CADM2: variants seen among roughly 807,000 people sequenced by gnomAD.
CADM2 encodes cell adhesion molecule 2.
CADM2 carries 12 observed loss-of-function variants against 49.8 expected under a neutral mutation model. That is an observed-to-expected ratio of 0.24 (90% CI 0.15 to 0.39). CADM2 has a LOEUF of 0.39. Ranked by LOEUF, CADM2 falls within the 10% of genes least tolerant of loss-of-function variation. The pLI, the probability that CADM2 is intolerant of heterozygous loss-of-function variation, is 1.00. For synonymous variants in CADM2, 214 were observed against 175.4 expected, an observed-to-expected ratio of 1.22 and a Z score of -1.74; for missense variants, 378 against 492.3, an observed-to-expected ratio of 0.77 and a Z score of 2.20.
chr3:85,965,064 G>T (rs952861484), intron 8 of CADM2, among the ~76,000 whole-genome samples: 11 of 151,292 alleles, frequency 7.3e-5, no homozygotes, highest in Non-Finnish European at 1.5e-5. Context: ...GTACAAAGGA[G>T]CAAAGATAAA....
At chr3:85,515,975 CTT>C (rs1459144982) in intron 1 of CADM2, among the ~76,000 whole-genome samples, 1 of 151,996 alleles carries the variant, frequency 6.6e-6, no homozygotes, top group Non-Finnish European at 1.5e-5. Context: ...ACTACACAAA[CTT>C]GTCATCCTCA....
chr3:85,361,993 G>T (rs1424119526), intron 1 of CADM2, among the ~76,000 whole-genome samples: 6 of 152,184 alleles, frequency 3.9e-5, no homozygotes, highest in African/African-American at 1.4e-4. Context: ...ATTTGCAAAA[G>T]GACCTTTGGT....
intron 1 of CADM2, among the ~76,000 whole-genome samples, chr3:85,531,777 T>C (rs958254254): frequency 3.3e-5 from 5 of 152,204 alleles, no homozygotes; most frequent in African/African-American, 1.2e-4. Flanking sequence ...AAAAAGTATA[T>C]GAAATCAAAC....
At chr3:85,295,046 C>G (rs558714135) in intron 1 of CADM2, among the ~76,000 whole-genome samples, 3 of 152,060 alleles carry the variant, frequency 2.0e-5, no homozygotes, top group Non-Finnish European at 4.4e-5. Flanking sequence ...ACTCATCTGA[C>G]AAAGGGCTGA....
chr3:85,472,671 G>A (rs555288571), intron 1 of CADM2, among the ~76,000 whole-genome samples: 1 of 151,910 alleles, frequency 6.6e-6, no homozygotes, highest in Admixed American at 6.6e-5. Flanking sequence ...TCTATAATGG[G>A]AGAGATGAAT....
At chr3:85,921,594 A>G (rs76907925) in intron 6 of CADM2, among the ~76,000 whole-genome samples, 6,753 of 152,114 alleles carry the variant, frequency 0.044, 504 homozygotes, top group African/African-American at 0.15. Context: ...AGTTTCCCCT[A>G]TTATTAATAT....
chr3:85,109,154 A>G (rs1216305752), intron 1 of CADM2, among the ~76,000 whole-genome samples: 1 of 151,984 alleles, frequency 6.6e-6, no homozygotes, highest in Admixed American at 6.6e-5. Context: ...ATAGTTACTT[A>G]AAAAAACTTT....
intron 1 of CADM2, among the ~76,000 whole-genome samples, chr3:84,980,808 G>C (rs1468181174): frequency 6.6e-6 from 1 of 152,020 alleles, no homozygotes; most frequent in African/African-American, 2.4e-5. Flanking sequence ...AGTTAACATG[G>C]TAAAATGGCT....
At chr3:85,146,416 C>G (rs1409290207) in intron 1 of CADM2, among the ~76,000 whole-genome samples, 1 of 151,878 alleles carries the variant, frequency 6.6e-6, no homozygotes, top group Non-Finnish European at 1.5e-5. Flanking sequence ...CAAATGAAAG[C>G]AGGTAGAAGC....
intron 1 of CADM2, among the ~76,000 whole-genome samples, chr3:85,691,573 C>T (rs748712627): frequency 8.5e-5 from 13 of 152,122 alleles, no homozygotes; most frequent in Non-Finnish European, 1.6e-4. Flanking sequence ...GTGGCCATTC[C>T]TCAGGGATCT....
At chr3:85,685,732 T>G (rs1238070132) in intron 1 of CADM2, among the ~76,000 whole-genome samples, 1 of 150,602 alleles carries the variant, frequency 6.6e-6, no homozygotes, top group Non-Finnish European at 1.5e-5. Context: ...CAAGCAATTC[T>G]CCTTCCTCAG....
chr3:85,050,060 G>A (rs1210186255), intron 1 of CADM2, among the ~76,000 whole-genome samples: 1 of 151,620 alleles, frequency 6.6e-6, no homozygotes, highest in Non-Finnish European at 1.5e-5. Context: ...TAATCTTTAT[G>A]GGGACCCTGA....
At chr3:85,517,899 T>A (rs2060941578) in intron 1 of CADM2, among the ~76,000 whole-genome samples, 1 of 152,178 alleles carries the variant, frequency 6.6e-6, no homozygotes, top group Admixed American at 6.6e-5. Context: ...GCTCTAAGTG[T>A]ATGGCGAATA....
chr3:85,419,208 C>A (rs532311234), intron 1 of CADM2, among the ~76,000 whole-genome samples: 1 of 152,282 alleles, frequency 6.6e-6, no homozygotes, highest in South Asian at 2.1e-4. Context: ...GTAATCCCAG[C>A]ACTTTGGGAG....
intron 1 of CADM2, among the ~76,000 whole-genome samples, chr3:85,019,617 A>G (rs1457079461): frequency 6.6e-6 from 1 of 152,226 alleles, no homozygotes; most frequent in Non-Finnish European, 1.5e-5. Context: ...TCATGAATAT[A>G]TGCTTACAAT....
At chr3:85,186,075 T>C (rs2041054232) in intron 1 of CADM2, among the ~76,000 whole-genome samples, 1 of 152,242 alleles carries the variant, frequency 6.6e-6, no homozygotes, top group Non-Finnish European at 1.5e-5. Flanking sequence ...TTGAATACTG[T>C]TCAGGAGACT....
chr3:85,638,309 C>T (rs1482375309), intron 1 of CADM2, among the ~76,000 whole-genome samples: 1 of 152,076 alleles, frequency 6.6e-6, no homozygotes, highest in East Asian at 1.9e-4. Flanking sequence ...TTGTTTAATT[C>T]TGGACATTTT....
In CADM2 at chr3:86,068,233, A is replaced by T. The variant is rs1739535955; in HGVS notation, c.*1450A>T. ...GTCTCTTTCTCTGGATTATTTTAAAATTTTGGCGTGTTTAACCATTAAGAA... is the reference window on the plus strand; with the variant it reads ...GTCTCTTTCTCTGGATTATTTTAAATTTTTGGCGTGTTTAACCATTAAGAA... On this transcript the variant is annotated 3_prime_UTR_variant, in exon 10 of 10. Transcript: ENST00000383699. 1 of 152,368 alleles carries T rather than the reference A, an allele frequency of 6.6e-6. No homozygotes were observed. Among genetic ancestry groups the T allele is most frequent in the Admixed American group, 6.6e-5 (1 of 15,248 alleles). 9.4% of individuals were successfully genotyped at this position (152,368 alleles called of 1,614,324 possible).
At chr3:85,785,486 G>A (rs1486424589) in intron 2 of CADM2, among the ~76,000 whole-genome samples, 2 of 152,000 alleles carry the variant, frequency 1.3e-5, no homozygotes, top group Non-Finnish European at 2.9e-5. Context: ...TATTGTAGTT[G>A]CGGTGCCCAC....
Sources: allele counts gnomAD v4.1 joint callset (sites outside exome capture counted in the v4.1 genomes callset), GRCh38; gene constraint gnomAD v4.1.1; transcripts MANE v1.5; gene names NCBI Gene and HGNC (gene_info 2026-07-23, HGNC 2026-07-21).